EGFLAM: variants seen among roughly 807,000 people sequenced by gnomAD.
The protein encoded by EGFLAM is EGF like, fibronectin type III and laminin G domains.
EGFLAM carries 79 observed loss-of-function variants against 113.1 expected under a neutral mutation model. That is an observed-to-expected ratio of 0.70 (90% CI 0.58 to 0.84). The LOEUF is 0.84. EGFLAM is among the 40% of genes least tolerant of loss of function. The pLI, the probability that EGFLAM is intolerant of heterozygous loss-of-function variation, is 0.00. For missense variants in EGFLAM, 1,265 were observed against 1,291.6 expected, an observed-to-expected ratio of 0.98 and a Z score of 0.32; for synonymous variants, 504 against 487.6, an observed-to-expected ratio of 1.03 and a Z score of -0.44.
At chr5:38,448,129 T>G in intron 17 of EGFLAM, 172 bp from the exon 18 acceptor site, 1 of 663,368 alleles carries the variant, frequency 1.5e-6, no homozygotes, top group Non-Finnish European at 2.6e-6. Context: ...CCCCAGGCCA[T>G]GGGGTTGGGC....
At chr5:38,421,294 A>G (rs963936086) in intron 12 of EGFLAM, among the ~76,000 whole-genome samples, 2 of 152,180 alleles carry the variant, frequency 1.3e-5, no homozygotes, top group Middle Eastern at 3.2e-3. Flanking sequence ...TTGGTCAGAA[A>G]TCTCAGCAAA....
At position 38,338,739 on chromosome 5, in the gene EGFLAM, G is replaced by A. The variant is rs776772696; in HGVS notation, c.249G>A (p.Glu83=). 6.2e-6 allele frequency: 10 copies of A among 1,614,132 alleles called. No homozygotes were observed. The highest frequency in any genetic ancestry group is 1.6e-4 in the Middle Eastern group (1 of 6,084). The change falls in exon 3 of 22, where the codon GAG becomes GAA. Residue 83 remains glutamate, a synonymous_variant. Transcript: ENST00000322350. ...SEVGADKSLQ[E]QLHSVPLSRD... ...TTGGCGCAGATAAATCCCTGCAGGA[G>A]CAGTTGCACAGCGTGCCTCTCAGCC...
intron 1 of EGFLAM, among the ~76,000 whole-genome samples, chr5:38,281,828 A>T (rs1482762235): frequency 2.6e-5 from 4 of 152,326 alleles, no homozygotes; most frequent in African/African-American, 9.6e-5. Context: ...TGCTTGATAC[A>T]CTGTAGCTGC....
In EGFLAM at chr5:38,264,055, C is replaced by T. The variant is rs141548393; in HGVS notation, c.97+5204C>T. ...TGAAGTCAGACTTAGGGCTGACAGC[C>T]GTGGCATGTCTGGGAAGGATTCCTG... On this transcript the variant is annotated intron_variant, in intron 1 of 21. Coordinates refer to ENST00000322350, the MANE Select transcript of EGFLAM (RefSeq NM_152403.4). Among the ~76,000 whole-genome samples, 49 of 152,314 alleles carry T rather than the reference C, an allele frequency of 3.2e-4. No individual in the cohort carries two copies. In the Middle Eastern group the frequency reaches 0.017, roughly 53 times the overall value.
chr5:38,324,676 A>G (rs1275063121), intron 1 of EGFLAM, among the ~76,000 whole-genome samples: 1 of 152,020 alleles, frequency 6.6e-6, no homozygotes. Context: ...AAAAAGTTTC[A>G]TTTACAAACA....
At chr5:38,372,226 T>A (rs951508961) in intron 6 of EGFLAM, among the ~76,000 whole-genome samples, 1 of 151,586 alleles carries the variant, frequency 6.6e-6, no homozygotes, top group Non-Finnish European at 1.5e-5. Flanking sequence ...CACTGCAACC[T>A]CCGCCTCCCA....
chr5:38,317,860 T>C (rs1308177117), intron 1 of EGFLAM, among the ~76,000 whole-genome samples: 2 of 152,174 alleles, frequency 1.3e-5, no homozygotes, highest in East Asian at 3.9e-4. Context: ...AAGGGGGAAG[T>C]TGCTTCCTAA....
At chr5:38,374,221 C>T (rs11744797) in intron 6 of EGFLAM, among the ~76,000 whole-genome samples, 216 of 152,256 alleles carry the variant, frequency 1.4e-3, no homozygotes, top group Admixed American at 3.0e-3. Flanking sequence ...TCACCTTACC[C>T]GCTGCCTAGA....
chr5:38,405,048 A>G (rs16903963), intron 6 of EGFLAM, among the ~76,000 whole-genome samples: 1 of 152,170 alleles, frequency 6.6e-6, no homozygotes, highest in African/African-American at 2.4e-5. Flanking sequence ...TTGTCCTGCT[A>G]AGATGGATGA....
rs547325308 is a variant in EGFLAM, at chr5:38,424,314, C to A, written c.1685-653C>A. Among the ~76,000 whole-genome samples, 49 of 152,212 alleles carry A rather than the reference C, an allele frequency of 3.2e-4. 2 individuals carry two copies. In the South Asian group the frequency reaches 9.5e-3, roughly 30 times the overall value. ...ACTCATCAGATGTTGAGCCTTTCAG[C>A]CTTCTTACCACAGGCCACCTTTCTG... On this transcript the variant is annotated intron_variant, in intron 12 of 21. Coordinates refer to ENST00000322350, the MANE Select transcript of EGFLAM (RefSeq NM_152403.4).
intron 1 of EGFLAM, among the ~76,000 whole-genome samples, chr5:38,263,576 G>A (rs1019157684): frequency 1.3e-5 from 2 of 152,108 alleles, no homozygotes; most frequent in African/African-American, 2.4e-5. Context: ...GTAAATCTCG[G>A]CTTCTAGTAT....
intron 1 of EGFLAM, among the ~76,000 whole-genome samples, chr5:38,331,910 G>A (rs1739052557): frequency 6.6e-6 from 1 of 152,174 alleles, no homozygotes; most frequent in South Asian, 2.1e-4. Flanking sequence ...TTTTTTGTGT[G>A]GACGTAAGTT....
Position 38,406,935 on chromosome 5 carries a change from C to G in EGFLAM, c.936C>G (p.Thr312=). Residue 312 remains threonine, a synonymous_variant, in exon 8 of 22, where the codon ACC becomes ACG. Transcript: ENST00000322350. ...CCATTTCTAGGCTCATCCCCCCTACCTCAGCATCTCTCCCTGTGACCACGG... is the reference window on the plus strand; with the variant it reads ...CCATTTCTAGGCTCATCCCCCCTACGTCAGCATCTCTCCCTGTGACCACGG... The part of the protein sequence containing the change: ...PKTISRLIPP[T]SASLPVTTVA... 1 of 1,614,204 alleles carries G rather than the reference C, an allele frequency of 6.2e-7. No homozygotes were observed. The highest frequency in any genetic ancestry group is 8.5e-7 in the Non-Finnish European group (1 of 1,180,040).
chr5:38,329,294 TAAA>T (rs1738976794), intron 1 of EGFLAM, among the ~76,000 whole-genome samples: 45 of 930 alleles, frequency 0.048, no homozygotes, highest in African/African-American at 0.13. Flanking sequence ...ATCTCAAAGA[TAAA>T]TAAATAAATA....
rs138426134 is a variant in EGFLAM at position 38,305,456 on chromosome 5, C to T, written c.98-32064C>T. 5.5e-4 allele frequency: 249 copies of T among 454,440 alleles called. 2 individuals are homozygous for T. The highest frequency in any genetic ancestry group is 4.3e-3 in the East Asian group (61 of 14,332). The allele number at this position is 454,440 out of a possible 1,614,324, so 28.2% of individuals were successfully genotyped here. ...GGAAGGTGTTGGAGGATGACTGTCA[C>T]GAAAACTTGGACAGAACCATGACGC... On this transcript the variant is annotated intron_variant, in intron 1 of 21. Transcript: ENST00000322350.
At chr5:38,342,302 A>G (rs1467366228) in intron 3 of EGFLAM, among the ~76,000 whole-genome samples, 2 of 152,198 alleles carry the variant, frequency 1.3e-5, no homozygotes, top group African/African-American at 4.8e-5. Flanking sequence ...TGAAAAGGAG[A>G]GAAAATATTT....
At chr5:38,363,017 A>T (rs1739968143) in intron 5 of EGFLAM, among the ~76,000 whole-genome samples, 1 of 152,210 alleles carries the variant, frequency 6.6e-6, no homozygotes, top group East Asian at 1.9e-4. Flanking sequence ...TGAGTTTATC[A>T]TAACACCATT....
chr5:38,431,919 G>A (rs1353716307), intron 15 of EGFLAM, among the ~76,000 whole-genome samples: 1 of 152,214 alleles, frequency 6.6e-6, no homozygotes, highest in East Asian at 1.9e-4. Context: ...AGTAGCAGTA[G>A]TGGTGGTGGT....
chr5:38,413,918 G>A (rs928666854), intron 11 of EGFLAM, among the ~76,000 whole-genome samples: 3 of 152,140 alleles, frequency 2.0e-5, no homozygotes, highest in Non-Finnish European at 4.4e-5. Flanking sequence ...CCTCGCATGC[G>A]CAGTTCACAA....
Sources: gnomAD v4.1 joint callset for allele counts (sites outside exome capture counted in the v4.1 genomes callset) on GRCh38, gnomAD v4.1.1 for gene constraint, MANE v1.5 for transcripts, NCBI Gene and HGNC (gene_info 2026-07-23, HGNC 2026-07-21) for gene names.